The following CAMSAP1 variants were observed in gnomAD, a reference collection of about 807,000 sequenced individuals.
CAMSAP1 encodes calmodulin regulated spectrin associated protein 1.
Under a neutral mutation model 143.5 loss-of-function variants are expected in CAMSAP1, and 58 were observed. That is an observed-to-expected ratio of 0.40 (90% CI 0.33 to 0.50). The LOEUF is 0.50. CAMSAP1 is among the 20% of genes least tolerant of loss of function. CAMSAP1 has a pLI of 0.45. For missense variants in CAMSAP1, 1,969 were observed against 2,115.7 expected, an observed-to-expected ratio of 0.93 and a Z score of 1.36; for synonymous variants, 945 against 859.3, an observed-to-expected ratio of 1.10 and a Z score of -1.74.
chr9:135,835,438 G>T (rs564043417), intron 7 of CAMSAP1, among the ~76,000 whole-genome samples: 1 of 152,316 alleles, frequency 6.6e-6, no homozygotes, highest in African/African-American at 2.4e-5. Context: ...AAACCAGGTG[G>T]CCTTAGTGAT....
chr9:135,845,712 T>C (rs189227192), intron 7 of CAMSAP1, among the ~76,000 whole-genome samples: 1 of 152,318 alleles, frequency 6.6e-6, no homozygotes, highest in East Asian at 1.9e-4. Context: ...AGCATTCCTA[T>C]ACACCAATAA....
At chr9:135,901,494 A>G (rs1838616104) in intron 1 of CAMSAP1, among the ~76,000 whole-genome samples, 1 of 152,080 alleles carries the variant, frequency 6.6e-6, no homozygotes, top group Non-Finnish European at 1.5e-5. Flanking sequence ...CCTAGCTGTG[A>G]TCCTAGCAAC....
rs372231558 is a variant in CAMSAP1 at position 135,867,229 on chromosome 9, C to T, written c.586-693G>A. The stretch of plus-strand genomic sequence containing the variant: ...CACCATGCACATCAAATCAGGAGTA[C>T]GAAAAACTGTTTTTAAAAATAAAGA... On this transcript the variant is annotated intron_variant, in intron 3 of 16. Transcript: ENST00000389532. Among the ~76,000 whole-genome samples the T allele has an allele frequency of 4.0e-4, 61 of 151,406 alleles. No homozygotes were observed. The East Asian group carries it at 8.1e-3, about 20-fold the overall frequency.
At chr9:135,817,824 C>A in intron 14 of CAMSAP1, 153 bp downstream of exon 14, 1 of 671,350 alleles carries the variant, frequency 1.5e-6, no homozygotes, top group Non-Finnish European at 2.5e-6. Flanking sequence ...CACTGGTATT[C>A]CTGATGACAT....
chr9:135,837,315 G>T (rs370996132), intron 7 of CAMSAP1, among the ~76,000 whole-genome samples: 2 of 149,602 alleles, frequency 1.3e-5, no homozygotes, highest in South Asian at 4.3e-4. Context: ...ACATCATCAC[G>T]CACTTTCTAC....
Position 135,817,959 on chromosome 9 carries a change from C to T in CAMSAP1, c.4271+18G>A. 1.2e-6 allele frequency: 2 copies of T among 1,611,630 alleles called. No homozygotes were observed. Among genetic ancestry groups the T allele is most frequent in the Non-Finnish European group, 1.7e-6 (2 of 1,178,114 alleles). ...ACGTCCTCCAGCCCCGTGCCGGCGG[C>T]CGTCTCAGGCCCCTTACCGCTGAGA... is the stretch of plus-strand genomic sequence containing the variant. On this transcript the variant is annotated intron_variant, in intron 14 of 16. Transcript: ENST00000389532.
chr9:135,865,556 C>A (rs911518124), intron 4 of CAMSAP1, among the ~76,000 whole-genome samples: 2 of 152,164 alleles, frequency 1.3e-5, no homozygotes, highest in African/African-American at 4.8e-5. Flanking sequence ...TGGAAGATCA[C>A]GAGTCACCTC....
At chr9:135,841,386 A>G (rs981723496) in intron 7 of CAMSAP1, among the ~76,000 whole-genome samples, 1 of 152,184 alleles carries the variant, frequency 6.6e-6, no homozygotes, top group Non-Finnish European at 1.5e-5. Context: ...TCTCCCTGGG[A>G]CAGAGCACCT....
At position 135,821,952 on chromosome 9, in the gene CAMSAP1, C is replaced by T. The variant is rs376729044; in HGVS notation, c.2709G>A (p.Ser903=). Residue 903 remains serine, a synonymous_variant, in exon 11 of 17, where the codon TCG becomes TCA. Transcript: ENST00000389532. This position sits in a 1 kb window ranked among gnomAD's most constrained non-coding sequence, Gnocchi z 4.6. ...TGCCGAGCTTCAGGCGCTGCCTTGC[C>T]GACAGCGCCTCCATCTTCTTCTTCT... is the stretch of plus-strand genomic sequence containing the variant. ...EAQKKKMEAL[S]ARQRLKLGKA... 1.6e-5 allele frequency: 25 copies of T among 1,612,490 alleles called. No homozygotes were observed. Among genetic ancestry groups the T allele is most frequent in the African/African-American group, 4.0e-5 (3 of 74,812 alleles).
At position 135,823,139 on chromosome 9, in the gene CAMSAP1, T is replaced by A; in HGVS notation, c.1522A>T (p.Ile508Phe). 6.2e-7 allele frequency: 1 copy of A among 1,613,554 alleles called. No individual in the cohort carries two copies. Among genetic ancestry groups the A allele is most frequent in the Non-Finnish European group, 8.5e-7 (1 of 1,179,566 alleles). Reference sequence around the variant, plus strand: ...TGGTTCTGTGGGGTCAGATTAACAATGTTGGATGCCAAACTGTCTTTGCTG... The same window carrying A: ...TGGTTCTGTGGGGTCAGATTAACAAAGTTGGATGCCAAACTGTCTTTGCTG... ...SISKDSLASN[I>F]VNLTPQNQPH... Residue 508 changes from isoleucine to phenylalanine, a missense_variant, in exon 11 of 17, where the codon ATT becomes TTT. Physicochemically the swap from Ile to Phe is conservative, Grantham distance 21. Around this residue, in one of 4 missense-constraint regions of CAMSAP1, gnomAD observed 1,390 missense variants for 1,420.8 expected, o/e 0.98. Coordinates refer to ENST00000389532, the MANE Select transcript of CAMSAP1 (RefSeq NM_015447.4).
chr9:135,879,048 T>C (rs1465859905), intron 3 of CAMSAP1, among the ~76,000 whole-genome samples: 2 of 152,154 alleles, frequency 1.3e-5, no homozygotes, highest in East Asian at 3.9e-4. Flanking sequence ...CAAGTCTGAC[T>C]GTGAACGTGT....
chr9:135,895,270 C>T (rs1157467662), intron 1 of CAMSAP1, among the ~76,000 whole-genome samples: 2 of 152,140 alleles, frequency 1.3e-5, no homozygotes, highest in Non-Finnish European at 2.9e-5. Context: ...ATAAACCTAA[C>T]GAAATCCACA....
intron 1 of CAMSAP1, among the ~76,000 whole-genome samples, chr9:135,897,367 T>G (rs942041216): frequency 1.3e-5 from 2 of 152,126 alleles, no homozygotes; most frequent in Admixed American, 6.5e-5. Context: ...TTGCCCAGGC[T>G]GGTCTCAAAC....
intron 1 of CAMSAP1, among the ~76,000 whole-genome samples, chr9:135,888,064 T>C (rs1321543463): frequency 1.3e-5 from 2 of 151,986 alleles, no homozygotes; most frequent in African/African-American, 4.8e-5. Context: ...GAGCAGGAGT[T>C]GGAGCGCTGG....
At chr9:135,845,257 G>T (rs754361158) in intron 7 of CAMSAP1, among the ~76,000 whole-genome samples, 6 of 152,116 alleles carry the variant, frequency 3.9e-5, no homozygotes, top group Non-Finnish European at 7.4e-5. Flanking sequence ...CAGAGCCAAT[G>T]ACAAAAAACC....
chr9:135,874,672 CA>C (rs796673379), intron 3 of CAMSAP1, among the ~76,000 whole-genome samples: 127 of 142,602 alleles, frequency 8.9e-4, no homozygotes, highest in Non-Finnish European at 1.0e-3. Context: ...TACAGTAAGG[CA>C]AAAAAAAAAC....
At position 135,865,221 on chromosome 9, in the gene CAMSAP1, AAAC is replaced by A. The variant is rs746596995; in HGVS notation, c.666+1232_666+1234del. 3.5e-5 allele frequency: 38 copies of A among 1,077,918 alleles called. No homozygotes were observed. The East Asian group carries it at 4.9e-4, about 14-fold the overall frequency. The allele number at this position is 1,077,918 out of a possible 1,614,324, so 66.8% of individuals were successfully genotyped here. The stretch of plus-strand genomic sequence containing the variant: ...TAAATAACTCCAAGGTGGGACATTT[AAAC>A]AACAACAACAAAAAAACAGTTTTGG... On this transcript the variant is annotated intron_variant, in intron 4 of 16. Transcript: ENST00000389532.
chr9:135,818,699 G>A lies in CAMSAP1; in HGVS notation c.3960-83C>T, dbSNP rs1835331726. The A allele has an allele frequency of 2.1e-6, 3 of 1,451,246 alleles. No homozygotes were observed. Among genetic ancestry groups the A allele is most frequent in the East Asian group, 2.4e-5 (1 of 40,946 alleles). 89.9% of individuals were successfully genotyped at this position (1,451,246 alleles called of 1,614,324 possible). A position where few individuals can be genotyped will look rare whatever the true frequency, so the allele number is the denominator to read the frequency against. On this transcript the variant is annotated intron_variant, in intron 12 of 16. Transcript: ENST00000389532. This position sits in a 1 kb window ranked among gnomAD's most constrained non-coding sequence, Gnocchi z 7.7. ...GCGCCGCGGCGCTCTGTCCAGGCGC[G>A]TTTCTCGGGTTCTCCCCGGCCGCTG...
At chr9:135,858,582 CCAGA>C (rs1318298505) in intron 5 of CAMSAP1, among the ~76,000 whole-genome samples, 4 of 152,196 alleles carry the variant, frequency 2.6e-5, no homozygotes, top group Non-Finnish European at 5.9e-5. Flanking sequence ...TCAGGGTTCT[CCAGA>C]CAGACAGAAC....
Sources: allele counts gnomAD v4.1 joint callset (sites outside exome capture counted in the v4.1 genomes callset), GRCh38; gene constraint gnomAD v4.1.1; regional missense constraint gnomAD v4.1.1; non-coding constraint Gnocchi (gnomAD v3.1); transcripts MANE v1.5; gene names NCBI Gene and HGNC (gene_info 2026-07-23, HGNC 2026-07-21).